Variants in USP34 observed in about 807,000 individuals in gnomAD.
The protein encoded by USP34 is ubiquitin carboxyl-terminal hydrolase 34.
USP34 carries 70 observed loss-of-function variants against 460.3 expected under a neutral mutation model. That is an observed-to-expected ratio of 0.15 (90% confidence interval 0.13 to 0.19). The LOEUF is 0.19. Among genes scored for constraint, USP34 ranks in the 10% least tolerant of loss-of-function variants. The pLI is 1.00. For missense variants in USP34, 3,985 were observed against 4,236.2 expected (o/e 0.94, Z 1.65); for synonymous variants, 1,647 against 1,405.3 (o/e 1.17, Z -3.85).
intron 8 of USP34, among the ~76,000 whole-genome samples, chr2:61,373,527 G>C (rs1016357512): frequency 6.6e-6 from 1 of 151,356 alleles, no homozygotes; most frequent in Non-Finnish European, 1.5e-5. Flanking sequence ...AATAGACTAA[G>C]CCAAAAAATG....
At chr2:61,436,960 A>AAT (rs1415096885) in intron 1 of USP34, among the ~76,000 whole-genome samples, 4 of 152,264 alleles carry the variant, frequency 2.6e-5, no homozygotes, top group African/African-American at 9.6e-5. Context: ...CAATGAAGGT[A>AAT]TTAAGATGGA....
intron 75 of USP34, chr2:61,193,924 G>T (rs1686716501): frequency 5.4e-6 from 1 of 184,552 alleles, no homozygotes; most frequent in Non-Finnish European, 1.0e-5. Context: ...AAGGAAATGG[G>T]TGTGGCTGTC....
intron 6 of USP34, among the ~76,000 whole-genome samples, chr2:61,382,011 A>C (rs1212686906): frequency 1.3e-5 from 2 of 152,160 alleles, no homozygotes; most frequent in African/African-American, 4.8e-5. Context: ...ATACCCTATA[A>C]TGACCAGTAT....
chr2:61,399,748 C>G (rs1013232869), intron 3 of USP34, among the ~76,000 whole-genome samples: 1 of 151,624 alleles, frequency 6.6e-6, no homozygotes, highest in African/African-American at 2.4e-5. Context: ...TGGCGGGCGC[C>G]TGTAATCCCA....
At chr2:61,405,517 T>A (rs1032817191) in intron 3 of USP34, among the ~76,000 whole-genome samples, 191 bp downstream of exon 3, 1 of 152,190 alleles carries the variant, frequency 6.6e-6, no homozygotes, top group African/African-American at 2.4e-5. Flanking sequence ...CTTTCCTTGA[T>A]AGGATGAACT....
intron 8 of USP34, among the ~76,000 whole-genome samples, chr2:61,374,560 C>G (rs369076339): frequency 2.6e-5 from 4 of 152,084 alleles, no homozygotes; most frequent in Non-Finnish European, 4.4e-5. Context: ...AGAGCTCATA[C>G]AGAGATGACC....
At chr2:61,197,218 C>T (rs1286992170) in intron 75 of USP34, among the ~76,000 whole-genome samples, 3 of 152,178 alleles carry the variant, frequency 2.0e-5, no homozygotes, top group Non-Finnish European at 2.9e-5. Context: ...TTGCAGTGAG[C>T]CGAAACTGTG....
chr2:61,232,861 C>CG (rs1491121974), intron 57 of USP34, among the ~76,000 whole-genome samples: 5 of 68,772 alleles, frequency 7.3e-5, no homozygotes, highest in African/African-American at 2.8e-4. Flanking sequence ...TATATATATT[C>CG]CCCCCCCCCT....
intron 41 of USP34, among the ~76,000 whole-genome samples, chr2:61,270,377 C>G (rs919966990): frequency 6.6e-6 from 1 of 152,176 alleles, no homozygotes; most frequent in African/African-American, 2.4e-5. Flanking sequence ...TTGTACTACT[C>G]CCAGCCTCCA....
chr2:61,437,774 A>AAAAAAAATAAATAAAT (rs1694855072), intron 1 of USP34, among the ~76,000 whole-genome samples: 1 of 134,540 alleles, frequency 7.4e-6, no homozygotes, highest in African/African-American at 2.8e-5. Context: ...CTCCGTCTCA[A>AAAAAAAATAAATAAAT]AAATAAATAA....
chr2:61,220,497 G>A, intron 66 of USP34, 40 bp from the exon 67 acceptor site: 4 of 1,533,426 alleles, frequency 2.6e-6, no homozygotes, highest in African/African-American at 1.4e-5. Flanking sequence ...AAGGCCAACT[G>A]AATGAGCAAT....
intron 76 of USP34, among the ~76,000 whole-genome samples, chr2:61,192,438 G>A (rs1487943059): frequency 1.3e-5 from 2 of 152,196 alleles, no homozygotes; most frequent in African/African-American, 4.8e-5. Context: ...GGAGATCGCT[G>A]TAAGAAAACA....
chr2:61,246,003 G>A (rs781442044), intron 50 of USP34, among the ~76,000 whole-genome samples: 3 of 152,136 alleles, frequency 2.0e-5, no homozygotes, highest in Non-Finnish European at 2.9e-5. Flanking sequence ...GCACATATAA[G>A]GCTACACTGT....
chr2:61,304,132 A>C (rs1435589958), intron 27 of USP34, among the ~76,000 whole-genome samples: 1 of 152,088 alleles, frequency 6.6e-6, no homozygotes, highest in East Asian at 1.9e-4. Flanking sequence ...TCCTGACCGC[A>C]AATGATCCGC....
chr2:61,345,611 TA>T (rs1242316160), intron 15 of USP34, among the ~76,000 whole-genome samples: 1 of 152,188 alleles, frequency 6.6e-6, no homozygotes, highest in Non-Finnish European at 1.5e-5. Flanking sequence ...ATCCTCACAA[TA>T]AAACCATGAG....
At chr2:61,295,343 A>G in intron 30 of USP34, 53 bp from the exon 31 acceptor site, 1 of 1,530,790 alleles carries the variant, frequency 6.5e-7, no homozygotes, top group Non-Finnish European at 8.7e-7. Context: ...GAACACAAAA[A>G]AGAAAAACTT....
At chr2:61,215,065 G>A (rs1052187275) in intron 67 of USP34, among the ~76,000 whole-genome samples, 1 of 152,118 alleles carries the variant, frequency 6.6e-6, no homozygotes, top group Non-Finnish European at 1.5e-5. Context: ...AGGTACCTGA[G>A]GAGGTCAAAT....
chr2:61,274,875 T>A (rs1689325801), intron 41 of USP34, among the ~76,000 whole-genome samples: 1 of 152,244 alleles, frequency 6.6e-6, no homozygotes, highest in African/African-American at 2.4e-5. Flanking sequence ...TTCCTACATT[T>A]CCTAAATCTA....
chr2:61,429,034 AAAAT>A (rs1462218317), intron 1 of USP34, among the ~76,000 whole-genome samples: 1 of 152,144 alleles, frequency 6.6e-6, no homozygotes, highest in African/African-American at 2.4e-5. Context: ...TAAAAAAAAT[AAAAT>A]AAATAAAAAG....
Sources: gnomAD v4.1 joint callset for allele counts (sites outside exome capture counted in the v4.1 genomes callset) on GRCh38, gnomAD v4.1.1 for gene constraint, MANE v1.5 for transcripts, NCBI Gene and HGNC (gene_info 2026-07-23, HGNC 2026-07-21) for gene names.